CPEB3: variants seen among roughly 807,000 people sequenced by gnomAD.
CPEB3 encodes cytoplasmic polyadenylation element-binding protein 3.
A neutral mutation model predicts 67.2 loss-of-function variants in CPEB3; 20 were observed. That is an observed-to-expected ratio of 0.30 (90% CI 0.21 to 0.43). CPEB3 has a LOEUF of 0.43. Among genes scored for constraint, CPEB3 ranks in the 20% least tolerant of loss-of-function variants. The pLI is 1.00. For missense variants in CPEB3, 746 were observed against 968.6 expected, an observed-to-expected ratio of 0.77 and a Z score of 3.05; for synonymous variants, 376 against 393.1, an observed-to-expected ratio of 0.96 and a Z score of 0.51.
intron 1 of CPEB3, among the ~76,000 whole-genome samples, chr10:92,289,730 A>AAAAAAAAAAAAAAAAAAT (rs1842721091): frequency 8.7e-6 from 1 of 114,324 alleles, no homozygotes; most frequent in South Asian, 2.6e-4. Context: ...AAAAAAAAAA[A>AAAAAAAAAAAAAAAAAAT]AAATATATAT....
chr10:92,176,665 C>T (rs1440913271), intron 4 of CPEB3, among the ~76,000 whole-genome samples: 1 of 152,222 alleles, frequency 6.6e-6, no homozygotes, highest in Non-Finnish European at 1.5e-5. Flanking sequence ...ACTGACCAGT[C>T]AAATGGAGTA....
At chr10:92,145,125 T>C (rs1230002374) in intron 4 of CPEB3, 40 bp from the exon 5 acceptor site, 3 of 1,607,876 alleles carry the variant, frequency 1.9e-6, no homozygotes, top group South Asian at 1.1e-5. Context: ...GAAACAAATG[T>C]GGGAGTTTCT....
intron 8 of CPEB3, among the ~76,000 whole-genome samples, chr10:92,088,869 T>TA (rs1486501862): frequency 6.6e-6 from 1 of 152,156 alleles, no homozygotes; most frequent in Non-Finnish European, 1.5e-5. Context: ...TTGGAAATAA[T>TA]AAAAAATGCT....
chr10:92,186,842 A>G (rs548180429), intron 3 of CPEB3, among the ~76,000 whole-genome samples: 1 of 152,296 alleles, frequency 6.6e-6, no homozygotes, highest in African/African-American at 2.4e-5. Flanking sequence ...CTCTGCCCCC[A>G]AGAATGTACA....
chr10:92,060,141 G>A (rs1842284508), intron 9 of CPEB3, among the ~76,000 whole-genome samples: 1 of 151,624 alleles, frequency 6.6e-6, no homozygotes, highest in Non-Finnish European at 1.5e-5. Context: ...TGAATCACTT[G>A]AGGTCAGGAA....
intron 4 of CPEB3, among the ~76,000 whole-genome samples, chr10:92,177,164 T>C (rs1056605294): frequency 1.3e-5 from 2 of 152,206 alleles, no homozygotes; most frequent in African/African-American, 2.4e-5. Flanking sequence ...AGAAGAACTC[T>C]TAGCAGCCTC....
At chr10:92,285,948 T>C (rs1170627815) in intron 1 of CPEB3, among the ~76,000 whole-genome samples, 1 of 114,514 alleles carries the variant, frequency 8.7e-6, no homozygotes. Context: ...TGCTTTTTTC[T>C]TTTTTTTTTT....
rs1851417676 is a variant in CPEB3 at position 92,234,220 on chromosome 10, G to T, written c.1005+5126C>A. On this transcript the variant is annotated intron_variant, in intron 2 of 9. Transcript: ENST00000265997. ...TGAATCCAGGCAATCTGCTGCTAAAGCCTGCTTCTGTGACAAATTATCAAC... is the reference window on the plus strand; with the variant it reads ...TGAATCCAGGCAATCTGCTGCTAAATCCTGCTTCTGTGACAAATTATCAAC... Among the ~76,000 whole-genome samples, 4 of 151,792 alleles carry T rather than the reference G, an allele frequency of 2.6e-5. No individual in the cohort carries two copies. The South Asian group carries it at 8.3e-4, about 32-fold the overall frequency.
rs1852224381 is a variant in CPEB3, at chr10:92,049,773, G to A, written c.*2439C>T. The A allele has an allele frequency of 6.6e-6, 1 of 152,260 alleles. No homozygotes were observed. The highest frequency in any genetic ancestry group is 1.5e-5 in the Non-Finnish European group (1 of 67,978). The allele number at this position is 152,260 out of a possible 1,614,324, so 9.4% of individuals were successfully genotyped here. A position where few individuals can be genotyped will look rare whatever the true frequency, so the allele number is the denominator to read the frequency against. On this transcript the variant is annotated 3_prime_UTR_variant, in exon 10 of 10. Transcript: ENST00000265997. ...AGTGTTATTTTAATACATGAAAGAGGGGTGCTTCTTCAAAAAGTTTTGCTT... is the reference window on the plus strand; with the variant it reads ...AGTGTTATTTTAATACATGAAAGAGAGGTGCTTCTTCAAAAAGTTTTGCTT...
At chr10:92,275,068 T>G (rs775196861) in intron 1 of CPEB3, among the ~76,000 whole-genome samples, 1 of 152,210 alleles carries the variant, frequency 6.6e-6, no homozygotes, top group African/African-American at 2.4e-5. Flanking sequence ...GTTCCCAGGT[T>G]GATTCTCATG....
intron 1 of CPEB3, among the ~76,000 whole-genome samples, chr10:92,247,571 A>G (rs769023664): frequency 1.6e-4 from 24 of 151,876 alleles, no homozygotes; most frequent in African/African-American, 5.8e-4. Context: ...CTAATTTTGT[A>G]TTTTTAGTAG....
chr10:92,118,878 G>T, intron 6 of CPEB3: 1 of 831,662 alleles, frequency 1.2e-6, no homozygotes, highest in Non-Finnish European at 2.1e-6. Context: ...CATGACACTG[G>T]TACTGCTTTG....
At chr10:92,135,164 C>G (rs1041180688) in intron 6 of CPEB3, among the ~76,000 whole-genome samples, 9 of 152,132 alleles carry the variant, frequency 5.9e-5, no homozygotes, top group South Asian at 2.1e-4. Context: ...ATAGACAAAT[C>G]AGATCTAATT....
rs1852138124 is a variant in CPEB3 at position 92,047,165 on chromosome 10, C to G, written c.*5047G>C. On this transcript the variant is annotated 3_prime_UTR_variant, in exon 10 of 10. Coordinates refer to ENST00000265997, the MANE Select transcript of CPEB3 (RefSeq NM_014912.5). Reference sequence around the variant, plus strand: ...CTAATCATGTAGCCACTTCTTGACCCATTTTGGGGTATAAAGTCAACAGCA... The same window carrying G: ...CTAATCATGTAGCCACTTCTTGACCGATTTTGGGGTATAAAGTCAACAGCA... The G allele has an allele frequency of 6.6e-6, 1 of 151,934 alleles. No homozygotes were observed. The highest frequency in any genetic ancestry group is 1.5e-5 in the Non-Finnish European group (1 of 68,012). 9.4% of individuals were successfully genotyped at this position (151,934 alleles called of 1,614,324 possible).
At chr10:92,151,780 C>T (rs748140820) in intron 4 of CPEB3, among the ~76,000 whole-genome samples, 3 of 152,158 alleles carry the variant, frequency 2.0e-5, no homozygotes, top group Non-Finnish European at 4.4e-5. Context: ...TATTTACCCT[C>T]CAAGGTTAAT....
chr10:92,237,071 T>C (rs1226364122), intron 2 of CPEB3, among the ~76,000 whole-genome samples: 10 of 152,220 alleles, frequency 6.6e-5, no homozygotes, highest in African/African-American at 2.2e-4. Flanking sequence ...CTTCCTTTTT[T>C]AGAAAAATTA....
chr10:92,184,888 C>T (rs1460336534), intron 3 of CPEB3, among the ~76,000 whole-genome samples: 4 of 152,062 alleles, frequency 2.6e-5, no homozygotes, highest in African/African-American at 4.8e-5. Context: ...CAGTTTTCCA[C>T]GTTAGGGAGT....
intron 7 of CPEB3, among the ~76,000 whole-genome samples, chr10:92,109,863 T>G (rs1449051912): frequency 6.6e-6 from 1 of 152,226 alleles, no homozygotes; most frequent in African/African-American, 2.4e-5. Flanking sequence ...GATGTCATCA[T>G]CCTTCTCAAC....
At chr10:92,273,046 G>C (rs952010482) in intron 1 of CPEB3, among the ~76,000 whole-genome samples, 3 of 152,180 alleles carry the variant, frequency 2.0e-5, no homozygotes, top group Non-Finnish European at 4.4e-5. Context: ...GGATTTGAGA[G>C]ATATTTAGGA....
Sources: allele counts gnomAD v4.1 joint callset (sites outside exome capture counted in the v4.1 genomes callset), GRCh38; gene constraint gnomAD v4.1.1; transcripts MANE v1.5; gene names NCBI Gene and HGNC (gene_info 2026-07-23, HGNC 2026-07-21).